MCPH1: variants seen among roughly 807,000 people sequenced by gnomAD.
MCPH1 encodes microcephalin.
MCPH1 carries 104 observed loss-of-function variants against 84.5 expected under a neutral mutation model. The ratio of observed to expected loss-of-function variants is 1.23; its 90% CI spans 1.05 to 1.45. MCPH1 has a LOEUF of 1.45. MCPH1 is among the 40% of genes most tolerant of loss of function. The pLI is 0.00. For missense variants in MCPH1, 1,498 were observed against 1,005.7 expected (o/e 1.49, Z -6.62); for synonymous variants, 514 against 366.8 (o/e 1.40, Z -4.58).
intron 12 of MCPH1, among the ~76,000 whole-genome samples, chr8:6,534,205 T>A (rs2959810): frequency 0.36 from 53,494 of 150,256 alleles, 9,615 homozygotes; most frequent in Middle Eastern, 0.47. Flanking sequence ...CAATATATTT[T>A]AAAAAAAAAA....
At chr8:6,508,755 C>T (rs537893688) in intron 12 of MCPH1, 27 of 878,866 alleles carry the variant, frequency 3.1e-5, no homozygotes, top group Admixed American at 4.6e-5. Flanking sequence ...CATATTCTCA[C>T]TTAAAACTTA....
At chr8:6,577,173 C>G (rs1013586868) in intron 12 of MCPH1, among the ~76,000 whole-genome samples, 1 of 152,206 alleles carries the variant, frequency 6.6e-6, no homozygotes, top group South Asian at 2.1e-4. Flanking sequence ...CTCGTTAATC[C>G]AGGTGGCCAG....
chr8:6,568,470 G>GA (rs774237825), intron 12 of MCPH1, among the ~76,000 whole-genome samples: 6 of 152,156 alleles, frequency 3.9e-5, no homozygotes, highest in Non-Finnish European at 8.8e-5. Flanking sequence ...TTGCTTGTGG[G>GA]CCCCGTGACC....
In MCPH1 at chr8:6,647,406, C is replaced by G. The variant is rs1460258793; in HGVS notation, c.*4357C>G. ...TTGAACATTCAACTACCATATGACC[C>G]AGCAATTTCACTCTCAGGTATATAA... On this transcript the variant is annotated 3_prime_UTR_variant, in exon 14 of 14. Transcript: ENST00000344683. 1 of 152,174 alleles carries G rather than the reference C, an allele frequency of 6.6e-6. No homozygotes were observed. Among genetic ancestry groups the G allele is most frequent in the African/African-American group, 2.4e-5 (1 of 41,438 alleles). 9.4% of individuals were successfully genotyped at this position (152,174 alleles called of 1,614,324 possible). A position where few individuals can be genotyped will look rare whatever the true frequency, so the allele number is the denominator to read the frequency against.
intron 12 of MCPH1, among the ~76,000 whole-genome samples, chr8:6,529,439 G>C (rs1819021777): frequency 6.6e-6 from 1 of 150,636 alleles, no homozygotes; most frequent in African/African-American, 2.5e-5. Context: ...CCTTCCTTAA[G>C]CTCAGCCATT....
Position 6,621,464 on chromosome 8 carries a change from G to T in MCPH1, c.2225G>T (p.Ser742Ile). ...CTGTCTGCCCCACAGCTGTGCCGAA[G>T]CGAGTGCCACTTGTCTGCAGGGCCG... is the stretch of plus-strand genomic sequence containing the variant. ...HHFPAAPLCR[S>I]ECHLSAGPYR... Residue 742 changes from serine (S) to isoleucine (I), a missense_variant, in exon 13 of 14, where the codon AGC (serine) becomes ATC (isoleucine). By Grantham distance (142) the Ser-to-Ile change is moderately radical (BLOSUM62 -2). Transcript: ENST00000344683. The T allele has an allele frequency of 1.2e-6, 2 of 1,614,024 alleles. No individual in the cohort carries two copies. Among genetic ancestry groups the T allele is most frequent in the Non-Finnish European group, 1.7e-6 (2 of 1,179,992 alleles).
chr8:6,641,677 G>A (rs188186443), intron 13 of MCPH1, among the ~76,000 whole-genome samples: 27 of 152,330 alleles, frequency 1.8e-4, no homozygotes, highest in Non-Finnish European at 3.8e-4. Context: ...CCAGGAGACT[G>A]AGGCTGCAGT....
intron 11 of MCPH1, among the ~76,000 whole-genome samples, chr8:6,487,969 T>A (rs985145542): frequency 6.6e-6 from 1 of 152,262 alleles, no homozygotes; most frequent in African/African-American, 2.4e-5. Flanking sequence ...AGGCATTGTT[T>A]TAAGGCAGTG....
rs1464433269 is a variant in MCPH1 at position 6,413,268 on chromosome 8, C to CTTA, written c.115-1494_115-1492dup. 3.9e-4 allele frequency among the ~76,000 whole-genome samples: 3 copies of CTTA among 7,618 alleles called. No homozygotes were observed. In the Non-Finnish European group the frequency reaches 0.021, roughly 54 times the overall value. The allele number at this position is 7,618 out of a possible 152,430, so 5.0% of individuals were successfully genotyped here. Reference sequence around the variant, plus strand: ...GTTGATAAGACTGATTCAGTTGTCACTTATTGTTTGCATGTGATGTGTCTC... The same window carrying CTTA: ...GTTGATAAGACTGATTCAGTTGTCACTTATTATTGTTTGCATGTGATGTGTCTC... On this transcript the variant is annotated intron_variant, in intron 2 of 13. Coordinates refer to ENST00000344683, the MANE Select transcript of MCPH1 (RefSeq NM_024596.5).
Position 6,589,358 on chromosome 8 carries a change from C to T in MCPH1, c.2215-32096C>T, listed in dbSNP as rs143170484. 4.3e-3 allele frequency among the ~76,000 whole-genome samples: 661 copies of T among 152,316 alleles called. 22 individuals are homozygous for T. Among genetic ancestry groups the T allele is most frequent in the Admixed American group, 0.038 (579 of 15,302 alleles). ...TGGAGAATATTTATATGCTATACTTCCTGTCTTCCTTCATCTTTTATTACT... is the reference window on the plus strand; with the variant it reads ...TGGAGAATATTTATATGCTATACTTTCTGTCTTCCTTCATCTTTTATTACT... On this transcript the variant is annotated intron_variant, in intron 12 of 13. Transcript: ENST00000344683.
chr8:6,455,254 T>A lies in MCPH1; in HGVS notation c.1935+2T>A. ...AAGAAAAGTGGGAGAGGCAAAAAGGTCAGTGTGTAAAAATATTATTTTAAA... is the reference window on the plus strand; with the variant it reads ...AAGAAAAGTGGGAGAGGCAAAAAGGACAGTGTGTAAAAATATTATTTTAAA... On this transcript the variant is annotated splice_donor_variant, in intron 9 of 13. Coordinates refer to ENST00000344683, the MANE Select transcript of MCPH1 (RefSeq NM_024596.5). LOFTEE classifies it high-confidence loss of function. 6.3e-7 allele frequency: 1 copy of A among 1,593,238 alleles called. No homozygotes were observed.
At chr8:6,528,713 A>G (rs1288500390) in intron 12 of MCPH1, among the ~76,000 whole-genome samples, 2 of 152,248 alleles carry the variant, frequency 1.3e-5, no homozygotes, top group African/African-American at 4.8e-5. Flanking sequence ...ATGCTTATTC[A>G]GGATGTGATA....
At chr8:6,477,712 C>CACCCAG in intron 10 of MCPH1, 81 bp downstream of exon 10, 1 of 1,070,702 alleles carries the variant, frequency 9.3e-7, no homozygotes, top group Non-Finnish European at 1.5e-6. Flanking sequence ...TGCCTTTAGG[C>CACCCAG]AACTTGTCAA....
intron 3 of MCPH1, among the ~76,000 whole-genome samples, chr8:6,418,444 C>G (rs896184865): frequency 3.3e-5 from 5 of 151,978 alleles, no homozygotes; most frequent in African/African-American, 9.7e-5. Context: ...TATAGTTCAC[C>G]TATATTTGTA....
Position 6,648,247 on chromosome 8 carries a change from G to A in MCPH1, c.*5198G>A, listed in dbSNP as rs1046587335. ...TGTGACCTGCAATGTGGTCTAAGCT[G>A]TCAGACCTCCACAGTGGCCAGAAGG... On this transcript the variant is annotated 3_prime_UTR_variant, in exon 14 of 14. Coordinates refer to ENST00000344683, the MANE Select transcript of MCPH1 (RefSeq NM_024596.5). 2 of 152,262 alleles carry A rather than the reference G, an allele frequency of 1.3e-5. No individual in the cohort carries two copies. Among genetic ancestry groups the A allele is most frequent in the African/African-American group, 2.4e-5 (1 of 41,452 alleles). The allele number at this position is 152,262 out of a possible 1,614,324, so 9.4% of individuals were successfully genotyped here. A position where few individuals can be genotyped will look rare whatever the true frequency, so the allele number is the denominator to read the frequency against.
At chr8:6,492,366 G>C (rs1810712978) in intron 11 of MCPH1, among the ~76,000 whole-genome samples, 1 of 151,994 alleles carries the variant, frequency 6.6e-6, no homozygotes, top group South Asian at 2.1e-4. Context: ...GTAGATTCTG[G>C]ATATTAGCCC....
chr8:6,540,842 C>T (rs1405916582), intron 12 of MCPH1, among the ~76,000 whole-genome samples: 3 of 152,250 alleles, frequency 2.0e-5, no homozygotes, highest in East Asian at 1.9e-4. Context: ...CAGGGTGGTT[C>T]GCACACGTGG....
chr8:6,540,393 T>C (rs1365751888), intron 12 of MCPH1, among the ~76,000 whole-genome samples: 1 of 152,252 alleles, frequency 6.6e-6, no homozygotes, highest in Non-Finnish European at 1.5e-5. Context: ...ACTGCTGTAG[T>C]AACCTCATGT....
At chr8:6,466,344 G>T (rs935282742) in intron 9 of MCPH1, among the ~76,000 whole-genome samples, 6 of 148,750 alleles carry the variant, frequency 4.0e-5, no homozygotes, top group African/African-American at 1.5e-4. Context: ...GTCTCGCTCT[G>T]TTGCTGAGGC....
Sources: gnomAD v4.1 joint callset for allele counts (sites outside exome capture counted in the v4.1 genomes callset) on GRCh38, gnomAD v4.1.1 for gene constraint, MANE v1.5 for transcripts, NCBI Gene and HGNC (gene_info 2026-07-23, HGNC 2026-07-21) for gene names.